The following NTNG1 variants were observed in gnomAD, a reference collection of about 807,000 sequenced individuals.
NTNG1 encodes netrin G1, also known as netrin-G1.
Under a neutral mutation model 54.0 loss-of-function variants are expected in NTNG1, and 16 were observed. The observed-to-expected ratio is 0.30, with a 90% CI of 0.20 to 0.45. The LOEUF (loss-of-function observed/expected upper bound fraction) is 0.45. NTNG1 is among the 20% of genes least tolerant of loss of function. The pLI is 1.00. For synonymous variants in NTNG1, 255 were observed against 263.1 expected (o/e 0.97, Z 0.30); for missense variants, 530 against 678.7 (o/e 0.78, Z 2.43).
At chr1:107,242,216 T>A (rs1294804157) in intron 2 of NTNG1, among the ~76,000 whole-genome samples, 1 of 151,980 alleles carries the variant, frequency 6.6e-6, no homozygotes, top group Non-Finnish European at 1.5e-5. Flanking sequence ...TGGGGAGGCT[T>A]GAGGTGAGAG....
intron 2 of NTNG1, among the ~76,000 whole-genome samples, chr1:107,261,699 C>T (rs988596443): frequency 3.3e-5 from 5 of 151,914 alleles, no homozygotes; most frequent in South Asian, 2.1e-4. Context: ...AAAAATTAGC[C>T]GGGCGTGGTG....
At chr1:107,462,653 G>A (rs1488242067) in intron 7 of NTNG1, among the ~76,000 whole-genome samples, 1 of 152,158 alleles carries the variant, frequency 6.6e-6, no homozygotes, top group South Asian at 2.1e-4. Flanking sequence ...CTATGTAGAG[G>A]CTTTTTGTTG....
chr1:107,221,611 T>C (rs768884969), intron 2 of NTNG1, among the ~76,000 whole-genome samples: 1 of 152,200 alleles, frequency 6.6e-6, no homozygotes, highest in African/African-American at 2.4e-5. Flanking sequence ...CAGTGTATAA[T>C]TTCTTTGGTT....
At chr1:107,149,191 A>T (rs116500120) in intron 2 of NTNG1, among the ~76,000 whole-genome samples, 253 of 152,332 alleles carry the variant, frequency 1.7e-3, no homozygotes, top group Non-Finnish European at 2.9e-3. Context: ...CATGTTAAGG[A>T]TAAAATGCAT....
intron 2 of NTNG1, among the ~76,000 whole-genome samples, chr1:107,252,674 ATCTGGGC>A (rs1234403447): frequency 6.6e-6 from 1 of 152,176 alleles, no homozygotes; most frequent in African/African-American, 2.4e-5. Flanking sequence ...TTGGCTTTGC[ATCTGGGC>A]TCCCTACAAC....
At chr1:107,314,444 T>TAAAA (rs869200363) in intron 2 of NTNG1, among the ~76,000 whole-genome samples, 141 of 116,424 alleles carry the variant, frequency 1.2e-3, no homozygotes, top group African/African-American at 4.8e-3. Flanking sequence ...AATAAATAAA[T>TAAAA]AAAAATGAGA....
At chr1:107,318,193 A>G (rs1667445092) in intron 2 of NTNG1, among the ~76,000 whole-genome samples, 1 of 152,128 alleles carries the variant, frequency 6.6e-6, no homozygotes, top group African/African-American at 2.4e-5. Context: ...AAGTAGTTTG[A>G]TAAAATCTCA....
chr1:107,159,197 G>A (rs1184574148), intron 2 of NTNG1, among the ~76,000 whole-genome samples: 2 of 152,116 alleles, frequency 1.3e-5, no homozygotes, highest in African/African-American at 2.4e-5. Context: ...GGTTGTTGAT[G>A]CCTGGGCCAC....
intron 2 of NTNG1, among the ~76,000 whole-genome samples, chr1:107,254,312 A>C (rs1481976806): frequency 1.3e-5 from 2 of 152,242 alleles, no homozygotes; most frequent in Non-Finnish European, 2.9e-5. Flanking sequence ...GGATTGTAAA[A>C]TTGAGGTGAA....
At chr1:107,256,994 T>C (rs1382980450) in intron 2 of NTNG1, among the ~76,000 whole-genome samples, 1 of 152,206 alleles carries the variant, frequency 6.6e-6, no homozygotes, top group Non-Finnish European at 1.5e-5. Flanking sequence ...TATCTGACAA[T>C]ATGGAGATTT....
chr1:107,376,745 G>A (rs1278244374), intron 3 of NTNG1, among the ~76,000 whole-genome samples: 3 of 152,046 alleles, frequency 2.0e-5, no homozygotes. Context: ...ATAGTATCTC[G>A]AGTGAACCTT....
intron 2 of NTNG1, among the ~76,000 whole-genome samples, chr1:107,218,230 G>A (rs1201394804): frequency 6.6e-6 from 1 of 152,076 alleles, no homozygotes; most frequent in African/African-American, 2.4e-5. Flanking sequence ...TTTAACTACT[G>A]TTGCTTTAAA....
At chr1:107,295,333 A>G (rs1200483491) in intron 2 of NTNG1, among the ~76,000 whole-genome samples, 1 of 152,098 alleles carries the variant, frequency 6.6e-6, no homozygotes, top group African/African-American at 2.4e-5. Context: ...ACTTTGCTTC[A>G]TATTAACAAA....
intron 2 of NTNG1, among the ~76,000 whole-genome samples, chr1:107,299,806 T>C (rs1399737928): frequency 6.6e-6 from 1 of 152,130 alleles, no homozygotes; most frequent in East Asian, 1.9e-4. Flanking sequence ...ACAAGAAGTG[T>C]GCGGTATAGT....
rs147739316 is a variant in NTNG1 at position 107,397,279 on chromosome 1, A to G, written c.1060+1953A>G. 2.8e-3 allele frequency among the ~76,000 whole-genome samples: 422 copies of G among 152,286 alleles called. 2 individuals are homozygous for G. Among genetic ancestry groups the G allele is most frequent in the African/African-American group, 9.6e-3 (401 of 41,574 alleles). ...CAAAGGGGTTCAATTCAATATTCCA[A>G]TCATCAGCATGGCAGAAATTAGATG... On this transcript the variant is annotated intron_variant, in intron 4 of 7. Coordinates refer to ENST00000370068, the MANE Select transcript of NTNG1 (RefSeq NM_001113226.3).
intron 2 of NTNG1, among the ~76,000 whole-genome samples, chr1:107,307,187 A>G (rs984568855): frequency 6.6e-6 from 1 of 152,238 alleles, no homozygotes; most frequent in Non-Finnish European, 1.5e-5. Flanking sequence ...CAGTTACACC[A>G]TAAATAGTAA....
chr1:107,306,902 C>T (rs185427531), intron 2 of NTNG1, among the ~76,000 whole-genome samples: 178 of 152,234 alleles, frequency 1.2e-3, no homozygotes, highest in African/African-American at 4.2e-3. Context: ...GTATACCTGG[C>T]CAACAGGGGC....
intron 2 of NTNG1, among the ~76,000 whole-genome samples, chr1:107,214,577 A>G (rs1659816984): frequency 6.6e-6 from 1 of 152,200 alleles, no homozygotes; most frequent in African/African-American, 2.4e-5. Context: ...TGCCGCTATA[A>G]ATATGCACGT....
At chr1:107,314,986 A>G (rs527910416) in intron 2 of NTNG1, among the ~76,000 whole-genome samples, 12 of 152,332 alleles carry the variant, frequency 7.9e-5, no homozygotes, top group African/African-American at 2.4e-4. Flanking sequence ...ACATATGCTT[A>G]CTTCTATTAT....
Sources: gnomAD v4.1 joint callset for allele counts (sites outside exome capture counted in the v4.1 genomes callset) on GRCh38, gnomAD v4.1.1 for gene constraint, MANE v1.5 for transcripts, NCBI Gene and HGNC (gene_info 2026-07-23, HGNC 2026-07-21) for gene names.